The following VAV2 variants were observed in gnomAD, a reference collection of about 807,000 sequenced individuals.
The protein encoded by VAV2 is guanine nucleotide exchange factor VAV2.
Under a neutral mutation model 132.5 loss-of-function variants are expected in VAV2, and 67 were observed. The observed-to-expected ratio is 0.51, with a 90% CI of 0.42 to 0.62. VAV2 has a LOEUF of 0.62. Among genes scored for constraint, VAV2 ranks in the 20% least tolerant of loss-of-function variants. The probability of loss-of-function intolerance (pLI) is 0.00; values close to 1 mark genes in which losing one functional copy is unlikely to be tolerated. For missense variants in VAV2, 938 were observed against 1,153.6 expected (o/e 0.81, Z 2.71); for synonymous variants, 492 against 443.5 (o/e 1.11, Z -1.37).
At chr9:133,950,637 G>A (rs1394830249) in intron 1 of VAV2, among the ~76,000 whole-genome samples, 1 of 152,152 alleles carries the variant, frequency 6.6e-6, no homozygotes, top group Non-Finnish European at 1.5e-5. Flanking sequence ...CCCTGAGCCG[G>A]CTTCCGAGTG....
chr9:133,910,326 G>T (rs1469252951), intron 2 of VAV2, among the ~76,000 whole-genome samples: 7 of 152,128 alleles, frequency 4.6e-5, no homozygotes, highest in African/African-American at 1.4e-4. Flanking sequence ...GATGTACTGG[G>T]GTTTTTGTTA....
chr9:133,874,981 C>T (rs901424348), intron 2 of VAV2, among the ~76,000 whole-genome samples: 9 of 152,286 alleles, frequency 5.9e-5, no homozygotes, highest in South Asian at 4.1e-4. Flanking sequence ...GAAATGGGTG[C>T]GTCTCATCCA....
intron 1 of VAV2, among the ~76,000 whole-genome samples, chr9:133,983,490 C>T (rs143466790): frequency 5.9e-5 from 9 of 152,308 alleles, no homozygotes; most frequent in African/African-American, 1.9e-4. Flanking sequence ...CGCCCTGAGG[C>T]CAGGGCCCCG....
At chr9:133,977,968 CGTGT>C (rs1842568363) in intron 1 of VAV2, among the ~76,000 whole-genome samples, 1 of 103,502 alleles carries the variant, frequency 9.7e-6, no homozygotes, top group African/African-American at 6.2e-5. Context: ...AGATGTCCTA[CGTGT>C]ATGCGTCCAC....
chr9:133,987,575 A>C (rs1438931724), intron 1 of VAV2, among the ~76,000 whole-genome samples: 3 of 152,258 alleles, frequency 2.0e-5, no homozygotes, highest in Admixed American at 6.5e-5. Flanking sequence ...GGTGGGGGAC[A>C]GACTCTGGCA....
chr9:133,789,532 G>A (rs1417970737), intron 13 of VAV2, among the ~76,000 whole-genome samples, 189 bp from the exon 14 acceptor site: 26 of 152,218 alleles, frequency 1.7e-4, no homozygotes. Flanking sequence ...AGAAGACCGG[G>A]AAGGGACTGG....
intron 5 of VAV2, among the ~76,000 whole-genome samples, chr9:133,810,613 C>A (rs1835323432): frequency 6.6e-6 from 1 of 152,172 alleles, no homozygotes; most frequent in African/African-American, 2.4e-5. Flanking sequence ...CAGCTCGAGA[C>A]CAGCGGGACC....
intron 1 of VAV2, among the ~76,000 whole-genome samples, chr9:133,990,884 AT>A (rs1361874002): frequency 6.6e-6 from 1 of 152,002 alleles, no homozygotes; most frequent in Non-Finnish European, 1.5e-5. Context: ...CTGGGTAATC[AT>A]TACCCAGTGG....
chr9:133,878,336 C>G (rs538621693), intron 2 of VAV2, among the ~76,000 whole-genome samples: 1 of 152,174 alleles, frequency 6.6e-6, no homozygotes, highest in Non-Finnish European at 1.5e-5. Flanking sequence ...CAAGCACGAT[C>G]GAGGCTGTGT....
intron 1 of VAV2, among the ~76,000 whole-genome samples, chr9:133,981,650 G>A (rs561127860): frequency 5.3e-5 from 8 of 152,346 alleles, no homozygotes; most frequent in Middle Eastern, 3.4e-3. Flanking sequence ...GGTGGCCACC[G>A]TCATCCCATT....
At chr9:133,875,267 G>C (rs1357710970) in intron 2 of VAV2, among the ~76,000 whole-genome samples, 2 of 152,200 alleles carry the variant, frequency 1.3e-5, no homozygotes, top group Admixed American at 1.3e-4. Flanking sequence ...TCCGTGCCAA[G>C]GCCAGACCCA....
intron 1 of VAV2, among the ~76,000 whole-genome samples, chr9:133,983,607 G>A (rs953981222): frequency 5.3e-5 from 8 of 152,024 alleles, no homozygotes; most frequent in African/African-American, 1.7e-4. Flanking sequence ...CCACACCAAC[G>A]CCAGGATTTT....
At position 133,789,267 on chromosome 9, in the gene VAV2, T is replaced by C; in HGVS notation, c.1265A>G (p.Lys422Arg). ...LKVRSIVNHT[K>R]QDRYLFLFDK... is the part of the protein sequence containing the mutation. ...CACGCGCCCTGCTCACCTGTCCTGC[T>C]TGGTGTGGTTGACTATGGACCGGAC... The change falls in exon 14 of 30, where the codon AAG (lysine) becomes AGG (arginine). Residue 422 changes from lysine (K) to arginine (R), a missense_variant. Transcript: ENST00000371850. 6.2e-7 allele frequency: 1 copy of C among 1,614,140 alleles called. No individual in the cohort carries two copies. Among genetic ancestry groups the C allele is most frequent in the Non-Finnish European group, 8.5e-7 (1 of 1,180,024 alleles).
intron 2 of VAV2, among the ~76,000 whole-genome samples, chr9:133,933,844 T>TGGATGGGTGGAA (rs559702510): frequency 1.6e-5 from 2 of 128,688 alleles, no homozygotes; most frequent in Non-Finnish European, 3.3e-5. Context: ...GGATGGATGG[T>TGGATGGGTGGAA]GGATGGGTGG....
rs1341634982 is a variant in VAV2 at position 133,863,206 on chromosome 9, T to C, written c.322-1774A>G. On this transcript the variant is annotated intron_variant, in intron 2 of 29. Transcript: ENST00000371850. This position sits in a 1 kb window ranked among gnomAD's most constrained non-coding sequence, Gnocchi z 5.0. ...TCCTTACAGTTATTTGGAAGAATGT[T>C]AGATCCCAAAGGGTTTGGCAACTAC... 1.3e-5 allele frequency among the ~76,000 whole-genome samples: 2 copies of C among 152,234 alleles called. No homozygotes were observed. Among genetic ancestry groups the C allele is most frequent in the Non-Finnish European group, 2.9e-5 (2 of 68,044 alleles).
chr9:133,885,141 G>A lies in VAV2; in HGVS notation c.322-23709C>T, dbSNP rs2131951277. 6.6e-6 allele frequency among the ~76,000 whole-genome samples: 1 copy of A among 152,362 alleles called. No homozygotes were observed. The highest frequency in any genetic ancestry group is 2.4e-5 in the African/African-American group (1 of 41,582). ...ACAGCCAATATTCATCAAAATGCAT[G>A]AATCTTCTCTGAACCAGTGACTTCA... On this transcript the variant is annotated intron_variant, in intron 2 of 29. Coordinates refer to ENST00000371850, the MANE Select transcript of VAV2 (RefSeq NM_001134398.2). This position sits in a 1 kb window ranked among gnomAD's most constrained non-coding sequence, Gnocchi z 5.0.
intron 9 of VAV2, among the ~76,000 whole-genome samples, chr9:133,798,463 C>T (rs1834808485): frequency 6.6e-6 from 1 of 152,220 alleles, no homozygotes; most frequent in African/African-American, 2.4e-5. Flanking sequence ...CTCCCGGCCA[C>T]TCTGATTCCC....
rs1842255175 is a variant in VAV2, at chr9:133,969,469, A to G, written c.204+22606T>C. Among the ~76,000 whole-genome samples, 1 of 151,998 alleles carries G rather than the reference A, an allele frequency of 6.6e-6. No homozygotes were observed. Among genetic ancestry groups the G allele is most frequent in the South Asian group, 2.1e-4 (1 of 4,800 alleles). Reference sequence around the variant, plus strand: ...CCAGCAAACCTGGACACCAACCAGCATCAGCACCACTGAGACAAGAAGCCT... The same window carrying G: ...CCAGCAAACCTGGACACCAACCAGCGTCAGCACCACTGAGACAAGAAGCCT... On this transcript the variant is annotated intron_variant, in intron 1 of 29. Transcript: ENST00000371850. This position sits in a 1 kb window ranked among gnomAD's most constrained non-coding sequence, Gnocchi z 5.1.
chr9:133,797,711 T>C lies in VAV2; in HGVS notation c.935A>G (p.Glu312Gly). Residue 312 changes from glutamate to glycine, a missense_variant and splice_region_variant, in exon 10 of 30, where the codon GAG becomes GGG. Transcript: ENST00000371850. ...GGGCCAACGCCTGGCAGGACTTACC[T>C]CGACTTTCTGCCTGAAGTCCTCCCG... ...ASREDFRQKV[E>G]ECTLKVQDGK... 1 of 1,613,674 alleles carries C rather than the reference T, an allele frequency of 6.2e-7. No individual in the cohort carries two copies. The highest frequency in any genetic ancestry group is 1.1e-5 in the South Asian group (1 of 90,922).
Sources: gnomAD v4.1 joint callset for allele counts (sites outside exome capture counted in the v4.1 genomes callset) on GRCh38, gnomAD v4.1.1 for gene constraint, Gnocchi (gnomAD v3.1) non-coding constraint, MANE v1.5 for transcripts, NCBI Gene and HGNC (gene_info 2026-07-23, HGNC 2026-07-21) for gene names.